NLGN4X: variants seen among roughly 807,000 people sequenced by gnomAD.
NLGN4X encodes the protein neuroligin 4 X-linked.
NLGN4X carries 3 observed loss-of-function variants against 40.3 expected under a neutral mutation model. The observed-to-expected ratio is 0.07, with a 90% CI of 0.03 to 0.19. NLGN4X has a LOEUF of 0.19. NLGN4X is among the 10% of genes least tolerant of loss of function. NLGN4X has a pLI of 1.00. For synonymous variants in NLGN4X, 270 were observed against 306.8 expected, an observed-to-expected ratio of 0.88 and a Z score of 1.25; for missense variants, 382 against 708.3, an observed-to-expected ratio of 0.54 and a Z score of 5.23.
At chrX:6,007,019 T>G (rs889726317) in intron 3 of NLGN4X, among the ~76,000 whole-genome samples, 1 of 112,046 alleles carries the variant, frequency 8.9e-6, no homozygotes, top group African/African-American at 3.2e-5. Flanking sequence ...ACTACACTAT[T>G]CACAACAGCA....
In NLGN4X at chrX:5,891,559, C is replaced by T. The variant is rs1242110594; in HGVS notation, c.*1258G>A. 3.6e-5 allele frequency: 10 copies of T among 274,071 alleles called. No homozygotes were observed. Among genetic ancestry groups the T allele is most frequent in the South Asian group, 2.9e-4 (8 of 27,346 alleles). 22.6% of individuals were successfully genotyped at this position (274,071 alleles called of 1,213,427 possible). On this transcript the variant is annotated 3_prime_UTR_variant, in exon 6 of 6. Coordinates refer to ENST00000381095, the MANE Select transcript of NLGN4X (RefSeq NM_181332.3). The stretch of plus-strand genomic sequence containing the variant: ...CCGCAGCTGCTAGGGAACACAGAGC[C>T]GTATTTACTCCAAGGGGCATAGCCC...
intron 4 of NLGN4X, among the ~76,000 whole-genome samples, chrX:5,908,423 G>T (rs756940577): frequency 2.7e-5 from 3 of 111,222 alleles, no homozygotes; most frequent in Non-Finnish European, 3.8e-5. Flanking sequence ...CTATACACCC[G>T]CATCCCTTAT....
rs150324412 is a variant in NLGN4X, at chrX:6,124,835, T to C, written c.472+26160A>G. ...TTGTATTTGTGAATATGTCTATGTA[T>C]GTGTAAATGTGTCCATAGCTTTCAA... On this transcript the variant is annotated intron_variant, in intron 2 of 5. Coordinates refer to ENST00000381095, the MANE Select transcript of NLGN4X (RefSeq NM_181332.3). Among the ~76,000 whole-genome samples the C allele has an allele frequency of 2.2e-3, 249 of 112,609 alleles. 2 individuals carry two copies. Among genetic ancestry groups the C allele is most frequent in the African/African-American group, 7.4e-3 (231 of 31,048 alleles).
Position 6,211,528 on chromosome X carries a change from G to A in NLGN4X, c.-306+17013C>T, listed in dbSNP as rs180762016. Among the ~76,000 whole-genome samples the A allele has an allele frequency of 3.0e-4, 34 of 111,863 alleles. No homozygotes were observed. In the East Asian group the frequency reaches 8.7e-3, roughly 29 times the overall value. On this transcript the variant is annotated intron_variant, in intron 1 of 5. Transcript: ENST00000381095. ...TGTAAAGTTCAAAATGGTATAGATAGAGATATATATAGATCTAGACATAGA... is the reference window on the plus strand; with the variant it reads ...TGTAAAGTTCAAAATGGTATAGATAAAGATATATATAGATCTAGACATAGA...
At chrX:5,950,618 G>A (rs1160693549) in intron 3 of NLGN4X, among the ~76,000 whole-genome samples, 1 of 111,938 alleles carries the variant, frequency 8.9e-6, no homozygotes, top group African/African-American at 3.2e-5. Context: ...GAAACTTTCT[G>A]TACAAGGAGA....
intron 3 of NLGN4X, among the ~76,000 whole-genome samples, chrX:5,917,546 A>G (rs926599883): frequency 8.9e-6 from 1 of 112,077 alleles, no homozygotes; most frequent in Admixed American, 9.5e-5. Context: ...TTAAGATTTC[A>G]AAGTCCCACT....
At chrX:6,114,341 G>A (rs34850343) in intron 2 of NLGN4X, among the ~76,000 whole-genome samples, 15,398 of 110,855 alleles carry the variant, frequency 0.14, 1,023 homozygotes, top group Non-Finnish European at 0.19. Flanking sequence ...TTCCAAGGTT[G>A]TGCTGTTGTT....
At chrX:5,985,710 C>T (rs1602007990) in intron 3 of NLGN4X, among the ~76,000 whole-genome samples, 3 of 111,725 alleles carry the variant, frequency 2.7e-5, no homozygotes, top group Non-Finnish European at 5.6e-5. Flanking sequence ...AGTGGATCTG[C>T]GGTTGAAAAT....
Position 6,151,577 on chromosome X carries a change from T to C in NLGN4X, c.-111A>G. The C allele has an allele frequency of 1.6e-6, 1 of 622,411 alleles. No individual in the cohort carries two copies. The highest frequency in any genetic ancestry group is 2.6e-6 in the Non-Finnish European group (1 of 379,071). The allele number at this position is 622,411 out of a possible 1,213,427, so 51.3% of individuals were successfully genotyped here. On this transcript the variant is annotated 5_prime_UTR_variant, in exon 2 of 6. Coordinates refer to ENST00000381095, the MANE Select transcript of NLGN4X (RefSeq NM_181332.3). ...AGGGCTTTCCAGGGAGCAGTAGACC[T>C]GGGAGAGACTCTCAGACTGATCACA...
intron 3 of NLGN4X, among the ~76,000 whole-genome samples, chrX:5,963,866 C>T (rs1383623476): frequency 8.9e-6 from 1 of 112,225 alleles, no homozygotes; most frequent in Non-Finnish European, 1.9e-5. Context: ...CTCAAATTAT[C>T]GTTTCTCTCC....
intron 3 of NLGN4X, among the ~76,000 whole-genome samples, chrX:5,943,735 T>C (rs2034030201): frequency 2.7e-5 from 3 of 112,618 alleles, no homozygotes; most frequent in Admixed American, 9.4e-5. Flanking sequence ...GCCCTCCTAC[T>C]AGAATATCCA....
chrX:6,183,258 T>TA (rs942387401), intron 1 of NLGN4X, among the ~76,000 whole-genome samples: 3 of 112,330 alleles, frequency 2.7e-5, no homozygotes, highest in Non-Finnish European at 3.8e-5. Flanking sequence ...ACCAAAAAAA[T>TA]AAATACTGGC....
intron 2 of NLGN4X, among the ~76,000 whole-genome samples, chrX:6,029,974 A>T (rs369069887): frequency 9.0e-6 from 1 of 111,443 alleles, no homozygotes; most frequent in East Asian, 2.8e-4. Context: ...ATGACAAGAA[A>T]GCAAAATCAA....
chrX:6,226,084 G>A (rs1441205119), intron 1 of NLGN4X, among the ~76,000 whole-genome samples: 1 of 93,377 alleles, frequency 1.1e-5, no homozygotes, highest in Non-Finnish European at 2.1e-5. Context: ...ACTCCCCGCA[G>A]ACTCGCCCAA....
At chrX:6,089,209 C>T (rs1349885915) in intron 2 of NLGN4X, among the ~76,000 whole-genome samples, 2 of 111,998 alleles carry the variant, frequency 1.8e-5, no homozygotes, top group Non-Finnish European at 3.8e-5. Context: ...GTGGTATAGG[C>T]ACTGCTCAAT....
intron 2 of NLGN4X, among the ~76,000 whole-genome samples, chrX:6,045,022 A>T (rs2037281932): frequency 8.9e-6 from 1 of 112,332 alleles, no homozygotes; most frequent in Admixed American, 9.5e-5. Flanking sequence ...AATAAAATAT[A>T]AAGTGTATTG....
chrX:6,220,200 C>T (rs889219913), intron 1 of NLGN4X, among the ~76,000 whole-genome samples: 2 of 111,330 alleles, frequency 1.8e-5, no homozygotes, highest in Non-Finnish European at 3.8e-5. Context: ...AACTCTACCA[C>T]CCCTCACACA....
Position 6,089,032 on chromosome X carries a change from G to A in NLGN4X, c.473-59600C>T, listed in dbSNP as rs374424844. ...TAAATTAATACCTGGGAAAATCATT[G>A]GCAAATTACTAAAAACAATTCAAAA... On this transcript the variant is annotated intron_variant, in intron 2 of 5. Transcript: ENST00000381095. 4.5e-5 allele frequency among the ~76,000 whole-genome samples: 5 copies of A among 111,414 alleles called. No homozygotes were observed. The South Asian group carries it at 1.1e-3, about 25-fold the overall frequency.
chrX:6,210,225 C>T (rs187623847), intron 1 of NLGN4X, among the ~76,000 whole-genome samples: 3 of 96,440 alleles, frequency 3.1e-5, no homozygotes, highest in South Asian at 4.8e-4. Context: ...ATTCTTTGTG[C>T]GTGCGTGTGC....
Sources: gnomAD v4.1 joint callset for allele counts (sites outside exome capture counted in the v4.1 genomes callset) on GRCh38, gnomAD v4.1.1 for gene constraint, MANE v1.5 for transcripts, NCBI Gene and HGNC (gene_info 2026-07-23, HGNC 2026-07-21) for gene names.